SIPA1: variants seen among roughly 807,000 people sequenced by gnomAD.
SIPA1 encodes the protein signal-induced proliferation-associated 1, also known as signal-induced proliferation-associated protein 1.
Under a neutral mutation model 88.1 loss-of-function variants are expected in SIPA1, and 51 were observed. That is an observed-to-expected ratio of 0.58 (90% CI 0.46 to 0.73). SIPA1 has a LOEUF of 0.73. Ranked by LOEUF, SIPA1 falls within the 30% of genes least tolerant of loss-of-function variation. The pLI, the probability that SIPA1 is intolerant of heterozygous loss-of-function variation, is 0.00. For synonymous variants in SIPA1, 681 were observed against 664.8 expected, an observed-to-expected ratio of 1.02 and a Z score of -0.37; for missense variants, 1,348 against 1,467.6, an observed-to-expected ratio of 0.92 and a Z score of 1.33.
chr11:65,642,128 T>G lies in SIPA1; in HGVS notation c.680-122T>G. The G allele has an allele frequency of 7.4e-7, 1 of 1,359,444 alleles. No homozygotes were observed. Among genetic ancestry groups the G allele is most frequent in the Non-Finnish European group, 1.0e-6 (1 of 999,634 alleles). The allele number at this position is 1,359,444 out of a possible 1,614,324, so 84.2% of individuals were successfully genotyped here. On this transcript the variant is annotated intron_variant, in intron 2 of 15. Coordinates refer to ENST00000534313, the MANE Select transcript of SIPA1 (RefSeq NM_006747.4). The surrounding 1 kb of genome is among the most constrained non-coding windows in gnomAD (Gnocchi z 6.5). ...GGGGCTACAGAGGGGCGGGACTTAG[T>G]CTAGGGTCAACATTTGGTGGTGAGA... is the stretch of plus-strand genomic sequence containing the variant.
chr11:65,650,386 C>G lies in SIPA1; in HGVS notation c.2904-15C>G. 1.9e-6 allele frequency: 3 copies of G among 1,613,184 alleles called. No individual in the cohort carries two copies. The highest frequency in any genetic ancestry group is 2.5e-6 in the Non-Finnish European group (3 of 1,179,276). ...CTGCCTTGGTCCTGCTGAGTCTTGACCCCCATGTCTTCAGGCCAGAGCCTG... is the reference window on the plus strand; with the variant it reads ...CTGCCTTGGTCCTGCTGAGTCTTGAGCCCCATGTCTTCAGGCCAGAGCCTG... On this transcript the variant is annotated splice_polypyrimidine_tract_variant and intron_variant, in intron 14 of 15. Transcript: ENST00000534313.
Position 65,647,571 on chromosome 11 carries a change from G to A in SIPA1, c.2219G>A (p.Arg740Gln). ...RVCGQTLPSL[R>Q]PEAAAQLLRS... ...TGCGGCCAGACTCTGCCCAGCCTCC[G>A]GCCCGAGGCCGCTGCCCAGCTCCTG... Residue 740 changes from arginine to glutamine, a missense_variant, in exon 9 of 16, where the codon CGG becomes CAG. Arg to Gln is a conservative substitution (Grantham distance 43). This residue lies in a region of SIPA1 where 615 missense variants were observed against 559.8 expected (regional missense o/e 1.10). Coordinates refer to ENST00000534313, the MANE Select transcript of SIPA1 (RefSeq NM_006747.4). The A allele has an allele frequency of 7.5e-7, 1 of 1,337,456 alleles. No homozygotes were observed. Among genetic ancestry groups the A allele is most frequent in the Non-Finnish European group, 9.6e-7 (1 of 1,046,562 alleles). 82.8% of individuals were successfully genotyped at this position (1,337,456 alleles called of 1,614,324 possible).
In SIPA1 at chr11:65,642,901, CTTTATTTATTTA is replaced by C. The variant is rs145227969; in HGVS notation, c.984+282_984+293del. Among the ~76,000 whole-genome samples, 4 of 146,856 alleles carry C rather than the reference CTTTATTTATTTA, an allele frequency of 2.7e-5. No homozygotes were observed. Among genetic ancestry groups the C allele is most frequent in the East Asian group, 2.0e-4 (1 of 4,992 alleles). ...CAGACCATCTGAATCAGAGTTTGCA[CTTTATTTATTTA>C]TTTATTTATTTATTTATTTTGAGAT... is the stretch of plus-strand genomic sequence containing the variant. On this transcript the variant is annotated intron_variant, in intron 4 of 15. Coordinates refer to ENST00000534313, the MANE Select transcript of SIPA1 (RefSeq NM_006747.4). This position sits in a 1 kb window ranked among gnomAD's most constrained non-coding sequence, Gnocchi z 6.5.
intron 8 of SIPA1, 127 bp from the exon 9 acceptor site, chr11:65,647,257 C>A: frequency 2.9e-6 from 4 of 1,361,910 alleles, no homozygotes; most frequent in Non-Finnish European, 2.9e-6. Flanking sequence ...ATCCCTCGGG[C>A]GGTGGCACAC....
chr11:65,650,690 GC>G lies in SIPA1; in HGVS notation c.3105del (p.Ser1036HisfsTer37). On this transcript the variant is annotated frameshift_variant, in exon 16 of 16. Transcript: ENST00000534313. LOFTEE classifies it high-confidence loss of function. Reference protein sequence around the residue: ...TRLLLASKQLGSPTADLA With the variant: ...TRLLLASKQLXSPTADLA ...CTCCTCCTGGCCTCCAAGCAGCTGG[GC>G]TCACCCACCGCCGACCTGGCCTGAG... The G allele has an allele frequency of 6.3e-7, 1 of 1,580,964 alleles. No homozygotes were observed. The highest frequency in any genetic ancestry group is 8.6e-7 in the Non-Finnish European group (1 of 1,163,540).
chr11:65,639,795 C>CATCCTGT (rs1279553115), intron 1 of SIPA1: 1 of 152,262 alleles, frequency 6.6e-6, no homozygotes, highest in Non-Finnish European at 1.5e-5. Context: ...CTCAATCTTG[C>CATCCTGT]ATCCTGTGAG....
rs1324781353 is a variant in SIPA1 at position 65,646,392 on chromosome 11, T to C, written c.1421+14T>C. The C allele has an allele frequency of 1.1e-5, 17 of 1,605,928 alleles. No individual in the cohort carries two copies. The highest frequency in any genetic ancestry group is 1.3e-5 in the African/African-American group (1 of 74,908). On this transcript the variant is annotated intron_variant, in intron 7 of 15. Coordinates refer to ENST00000534313, the MANE Select transcript of SIPA1 (RefSeq NM_006747.4). This position sits in a 1 kb window ranked among gnomAD's most constrained non-coding sequence, Gnocchi z 7.5. Reference sequence around the variant, plus strand: ...CACCACCTACAGGTGGGCACCGGAGTGGTCCCAGGTCTCCCGTGGGCATGG... The same window carrying C: ...CACCACCTACAGGTGGGCACCGGAGCGGTCCCAGGTCTCCCGTGGGCATGG...
At chr11:65,640,527 G>A (rs540014340) in intron 1 of SIPA1, among the ~76,000 whole-genome samples, 2 of 152,360 alleles carry the variant, frequency 1.3e-5, no homozygotes, top group South Asian at 2.1e-4. Context: ...CTTACTCTGG[G>A]CCCAGGCCAA....
At position 65,641,380 on chromosome 11, in the gene SIPA1, T is replaced by G; in HGVS notation, c.459T>G (p.Ala153=). ...SGTLASAEDQ[A]ASSDLLHGAP... is the part of the protein sequence containing the mutation. Reference sequence around the variant, plus strand: ...CCCTGGCTTCAGCCGAGGACCAGGCTGCCAGCTCGGACCTGCTGCATGGGG... The same window carrying G: ...CCCTGGCTTCAGCCGAGGACCAGGCGGCCAGCTCGGACCTGCTGCATGGGG... Residue 153 remains alanine, a synonymous_variant, in exon 2 of 16, where the codon GCT becomes GCG. Coordinates refer to ENST00000534313, the MANE Select transcript of SIPA1 (RefSeq NM_006747.4). 1 of 1,613,336 alleles carries G rather than the reference T, an allele frequency of 6.2e-7. No homozygotes were observed. Among genetic ancestry groups the G allele is most frequent in the Non-Finnish European group, 8.5e-7 (1 of 1,180,020 alleles).
Position 65,640,930 on chromosome 11 carries a change from G to T in SIPA1, c.9G>T (p.Met3Ile). MP[M>I]WAGGVGSPRR... ...AGTCAGGCCCACAGAGCATGCCCATGTGGGCCGGCGGTGTGGGGAGCCCTC... is the reference window on the plus strand; with the variant it reads ...AGTCAGGCCCACAGAGCATGCCCATTTGGGCCGGCGGTGTGGGGAGCCCTC... Residue 3 changes from methionine (M) to isoleucine (I), a missense_variant, in exon 2 of 16, where the codon ATG (methionine) becomes ATT (isoleucine). Physicochemically the swap from Met to Ile is conservative, Grantham distance 10. Transcript: ENST00000534313. 1 of 1,517,156 alleles carries T rather than the reference G, an allele frequency of 6.6e-7. No homozygotes were observed. The highest frequency in any genetic ancestry group is 2.3e-5 in the East Asian group (1 of 43,484). The allele number at this position is 1,517,156 out of a possible 1,614,324, so 94.0% of individuals were successfully genotyped here.
chr11:65,644,957 G>T lies in SIPA1; in HGVS notation c.987G>T (p.Leu329=). Residue 329 remains leucine, a splice_region_variant and synonymous_variant, in exon 5 of 16, where the codon CTG becomes CTT. Coordinates refer to ENST00000534313, the MANE Select transcript of SIPA1 (RefSeq NM_006747.4). The part of the protein sequence containing the change: ...RTLLTLDEQV[L]SFQRKVGILY... ...TGCCTTCTGTCTCCCACCCACAGCT[G>T]AGCTTCCAACGCAAGGTGGGCATCC... 1.2e-6 allele frequency: 2 copies of T among 1,612,182 alleles called. No homozygotes were observed. Among genetic ancestry groups the T allele is most frequent in the Non-Finnish European group, 1.7e-6 (2 of 1,178,742 alleles).
In SIPA1 at chr11:65,641,608, A is replaced by C. The variant is rs762334443; in HGVS notation, c.679+8A>C. Reference sequence around the variant, plus strand: ...AATACTTCTATGGCAAAGGTGAGGAAAGGCAGTTCCAGGGAGTGGAGGAGG... The same window carrying C: ...AATACTTCTATGGCAAAGGTGAGGACAGGCAGTTCCAGGGAGTGGAGGAGG... On this transcript the variant is annotated splice_region_variant and intron_variant, in intron 2 of 15. Transcript: ENST00000534313. 3.8e-6 allele frequency: 6 copies of C among 1,598,956 alleles called. No homozygotes were observed. The South Asian group carries it at 5.6e-5, about 15-fold the overall frequency.
chr11:65,647,040 T>A lies in SIPA1; in HGVS notation c.2006T>A (p.Val669Glu). 6.5e-7 allele frequency: 1 copy of A among 1,543,536 alleles called. No homozygotes were observed. Among genetic ancestry groups the A allele is most frequent in the Non-Finnish European group, 8.7e-7 (1 of 1,150,946 alleles). The change falls in exon 8 of 16, where the codon GTG (valine) becomes GAG (glutamate). Residue 669 changes from valine (V) to glutamate (E), a missense_variant. Physicochemically the swap from Val to Glu is moderately radical, Grantham distance 121. This residue lies in a region of SIPA1 where 615 missense variants were observed against 559.8 expected (regional missense o/e 1.10). Transcript: ENST00000534313. ...TTCGACGGGTCCCCCGGCCAAGCCG[T>A]GGGCGAGGTGGTGGCGCGCCTGCAG... The part of the protein sequence containing the change: ...LRFDGSPGQA[V>E]GEVVARLQLV...
At position 65,647,154 on chromosome 11, in the gene SIPA1, T is replaced by C. The variant is rs561995945; in HGVS notation, c.2031+89T>C. ...CCCTCCCGCCGCCTTTGTCCCCTAC[T>C]CCTGCGGAAGGGAAAGTCGAGGAGG... On this transcript the variant is annotated intron_variant, in intron 8 of 15. Coordinates refer to ENST00000534313, the MANE Select transcript of SIPA1 (RefSeq NM_006747.4). 6.3e-4 allele frequency: 898 copies of C among 1,415,270 alleles called. 3 individuals carry two copies. The highest frequency in any genetic ancestry group is 6.2e-4 in the Non-Finnish European group (679 of 1,087,770). 87.7% of individuals were successfully genotyped at this position (1,415,270 alleles called of 1,614,324 possible).
In SIPA1 at chr11:65,641,427, TCGGGGGTGAG is replaced by T; in HGVS notation, c.507_516del (p.Gly170ValfsTer3). 6.2e-7 allele frequency: 1 copy of T among 1,612,624 alleles called. No homozygotes were observed. Among genetic ancestry groups the T allele is most frequent in the Non-Finnish European group, 8.5e-7 (1 of 1,179,928 alleles). ...GGGGCACCTGGCTTTGTGTGTGAGC[TCGGGGGTGAG>T]GGTGAGCTAGGCCTGGGTGGACCAG... On this transcript the variant is annotated frameshift_variant, in exon 2 of 16. Coordinates refer to ENST00000534313, the MANE Select transcript of SIPA1 (RefSeq NM_006747.4). LOFTEE classifies it high-confidence loss of function.
At position 65,645,841 on chromosome 11, in the gene SIPA1, T is replaced by G. The variant is rs752671321; in HGVS notation, c.1160-13T>G. ...TGTTTTCTCCTTCTGTGTCCCTAAC[T>G]TCCTGGCCACAGCGGATTCCACAGG... On this transcript the variant is annotated splice_polypyrimidine_tract_variant and intron_variant, in intron 5 of 15. Transcript: ENST00000534313. The G allele has an allele frequency of 2.5e-6, 4 of 1,599,258 alleles. No individual in the cohort carries two copies. The highest frequency in any genetic ancestry group is 3.4e-6 in the Non-Finnish European group (4 of 1,168,532).
At chr11:65,650,516 C>T (rs1565184563) in intron 15 of SIPA1, 37 bp downstream of exon 15, 1 of 1,613,228 alleles carries the variant, frequency 6.2e-7, no homozygotes, top group Non-Finnish European at 8.5e-7. Flanking sequence ...AGTCACAGGG[C>T]TGCCCCAGGA....
At chr11:65,644,643 A>G (rs1856071952) in intron 4 of SIPA1, among the ~76,000 whole-genome samples, 1 of 151,676 alleles carries the variant, frequency 6.6e-6, no homozygotes, top group Non-Finnish European at 1.5e-5. Flanking sequence ...GGTGCCTTGG[A>G]TTCAGGGGTG....
rs373589773 is a variant in SIPA1 at position 65,650,701 on chromosome 11, G to A, written c.3115G>A (p.Ala1039Thr). The change falls in exon 16 of 16, where the codon GCC (alanine) becomes ACC (threonine). Residue 1039 changes from alanine to threonine, a missense_variant. Physicochemically the swap from Ala to Thr is moderately conservative, Grantham distance 58. This residue lies in a region of SIPA1 where 615 missense variants were observed against 559.8 expected (regional missense o/e 1.10). Transcript: ENST00000534313. ...CTCCAAGCAGCTGGGCTCACCCACC[G>A]CCGACCTGGCCTGAGCCGTCTGGAA... ...LASKQLGSPT[A>T]DLA The A allele has an allele frequency of 6.5e-4, 1,032 of 1,578,582 alleles. 21 individuals are homozygous for A. In the South Asian group the frequency reaches 0.011, roughly 17 times the overall value.
Sources: allele counts gnomAD v4.1 joint callset (sites outside exome capture counted in the v4.1 genomes callset), GRCh38; gene constraint gnomAD v4.1.1; regional missense constraint gnomAD v4.1.1; non-coding constraint Gnocchi (gnomAD v3.1); transcripts MANE v1.5; gene names NCBI Gene and HGNC (gene_info 2026-07-23, HGNC 2026-07-21).